Variants in SENP6 observed in about 807,000 individuals in gnomAD.
The protein encoded by SENP6 is SUMO specific peptidase 6, also known as sentrin-specific protease 6.
SENP6 carries 41 observed loss-of-function variants against 134.5 expected under a neutral mutation model. The observed-to-expected ratio is 0.30, with a 90% CI of 0.24 to 0.40. The LOEUF (loss-of-function observed/expected upper bound fraction) is 0.40, where lower values mean the gene tolerates loss of function less well. Ranked by LOEUF, SENP6 falls within the 10% of genes least tolerant of loss-of-function variation. The pLI, the probability that SENP6 is intolerant of heterozygous loss-of-function variation, is 1.00. For missense variants in SENP6, 1,248 were observed against 1,312.5 expected (o/e 0.95, Z 0.76); for synonymous variants, 395 against 429.8 (o/e 0.92, Z 1.00).
At chr6:75,669,837 C>CT in intron 10 of SENP6, among the ~76,000 whole-genome samples, 1 of 152,158 alleles carries the variant, frequency 6.6e-6, no homozygotes, top group Non-Finnish European at 1.5e-5. Context: ...TGCTAAACTG[C>CT]TTTTTATGCA....
At position 75,602,477 on chromosome 6, in the gene SENP6, G is replaced by T. The variant is rs187274485; in HGVS notation, c.-48G>T. On this transcript the variant is annotated 5_prime_UTR_variant, in exon 1 of 24. Transcript: ENST00000447266. Reference sequence around the variant, plus strand: ...GGCCCCTCATCCCGGCGAGCACGGCGGCGGTGTGGGCCATGGATTAAGAAG... The same window carrying T: ...GGCCCCTCATCCCGGCGAGCACGGCTGCGGTGTGGGCCATGGATTAAGAAG... 74 of 1,548,388 alleles carry T rather than the reference G, an allele frequency of 4.8e-5. No individual in the cohort carries two copies. The Middle Eastern group carries it at 1.6e-3, about 34-fold the overall frequency.
At chr6:75,690,573 T>A (rs149598584) in intron 16 of SENP6, among the ~76,000 whole-genome samples, 34 of 152,304 alleles carry the variant, frequency 2.2e-4, no homozygotes, top group African/African-American at 7.9e-4. Flanking sequence ...TATGTTCAGT[T>A]TTGCAAAACA....
Position 75,678,857 on chromosome 6 carries a change from A to G in SENP6, c.2005A>G (p.Thr669Ala). 6.2e-7 allele frequency: 1 copy of G among 1,608,676 alleles called. No homozygotes were observed. Among genetic ancestry groups the G allele is most frequent in the Non-Finnish European group, 8.5e-7 (1 of 1,176,070 alleles). The change falls in exon 16 of 24, where the codon ACC becomes GCC. Residue 669 changes from threonine (T) to alanine (A), a missense_variant. Thr to Ala is a moderately conservative substitution (Grantham distance 58). Around this residue, in one of 3 missense-constraint regions of SENP6, gnomAD observed 129 missense variants for 192.0 expected, o/e 0.67. Transcript: ENST00000447266. ...PPPAKGGISV[T>A]NEDLHCLNEG... ...TCCAGCTAAGGGAGGCATCTCTGTT[A>G]CCAATGAGGACCTGCACTGTCTAAA...
chr6:75,658,510 G>C (rs1771515513), intron 7 of SENP6, among the ~76,000 whole-genome samples: 1 of 152,028 alleles, frequency 6.6e-6, no homozygotes. Context: ...ATCCTTTGCT[G>C]ATAAAGTCAG....
At chr6:75,658,986 AAAAAAAAAAAAAAAG>A (rs1771559464) in intron 7 of SENP6, among the ~76,000 whole-genome samples, 1 of 149,726 alleles carries the variant, frequency 6.7e-6, no homozygotes, top group Non-Finnish European at 1.5e-5. Context: ...AAAAAAAAAA[AAAAAAAAAAAAAAAG>A]GGGAATTGTG....
At chr6:75,610,503 A>G (rs1434224608) in intron 1 of SENP6, among the ~76,000 whole-genome samples, 1 of 152,208 alleles carries the variant, frequency 6.6e-6, no homozygotes, top group Admixed American at 6.5e-5. Flanking sequence ...AATCTGTGCC[A>G]TATCCATTTG....
intron 1 of SENP6, among the ~76,000 whole-genome samples, chr6:75,612,521 G>C (rs1171593195): frequency 6.6e-6 from 1 of 152,046 alleles, no homozygotes; most frequent in East Asian, 1.9e-4. Context: ...TGTAGAGACA[G>C]AGTGTCACTA....
At chr6:75,639,903 A>G (rs1386276999) in intron 5 of SENP6, among the ~76,000 whole-genome samples, 1 of 152,206 alleles carries the variant, frequency 6.6e-6, no homozygotes, top group Non-Finnish European at 1.5e-5. Flanking sequence ...AAAATTTTAT[A>G]ACTTCTAGGA....
intron 7 of SENP6, among the ~76,000 whole-genome samples, chr6:75,652,259 C>T (rs1770923932): frequency 6.6e-6 from 1 of 151,906 alleles, no homozygotes; most frequent in African/African-American, 2.4e-5. Context: ...GATCCGCCTG[C>T]CTCAGCCTCC....
chr6:75,662,614 T>C (rs1771872785), intron 8 of SENP6, among the ~76,000 whole-genome samples: 1 of 152,188 alleles, frequency 6.6e-6, no homozygotes, highest in Admixed American at 6.5e-5. Flanking sequence ...TTATTCAGCA[T>C]AGTGTATCTG....
chr6:75,663,743 T>C (rs1308786481), intron 9 of SENP6, among the ~76,000 whole-genome samples: 2 of 150,184 alleles, frequency 1.3e-5, no homozygotes, highest in African/African-American at 4.9e-5. Flanking sequence ...ACCAGCATTC[T>C]GACTTCGGCC....
intron 19 of SENP6, among the ~76,000 whole-genome samples, chr6:75,707,877 C>T (rs942862864): frequency 2.0e-5 from 3 of 151,958 alleles, no homozygotes; most frequent in African/African-American, 7.3e-5. Flanking sequence ...TTTGTAGAGA[C>T]AGGGTCTCAC....
chr6:75,649,868 A>G (rs1018323665), intron 7 of SENP6, among the ~76,000 whole-genome samples: 2 of 152,226 alleles, frequency 1.3e-5, no homozygotes, highest in African/African-American at 4.8e-5. Flanking sequence ...TGCAAATTTA[A>G]TACAGAGACA....
chr6:75,616,669 C>T (rs1368745184), intron 1 of SENP6, among the ~76,000 whole-genome samples: 1 of 151,222 alleles, frequency 6.6e-6, no homozygotes, highest in African/African-American at 2.4e-5. Context: ...TCACTTGAAC[C>T]CGGGAGGCGG....
At chr6:75,658,054 G>A (rs1771480506) in intron 7 of SENP6, among the ~76,000 whole-genome samples, 1 of 152,054 alleles carries the variant, frequency 6.6e-6, no homozygotes, top group South Asian at 2.1e-4. Context: ...AGCAAAATTG[G>A]GATAGAGGAC....
At chr6:75,695,971 T>A in intron 17 of SENP6, 48 bp downstream of exon 17, 1 of 1,495,274 alleles carries the variant, frequency 6.7e-7, no homozygotes, top group Non-Finnish European at 9.0e-7. Context: ...CACTCACATT[T>A]AACTAAGTGA....
chr6:75,661,514 G>A (rs920037963), intron 8 of SENP6, among the ~76,000 whole-genome samples: 12 of 152,334 alleles, frequency 7.9e-5, no homozygotes, highest in Admixed American at 2.6e-4. Flanking sequence ...AACGTGTGCC[G>A]TGGTGGTTGC....
At chr6:75,713,634 T>G in intron 22 of SENP6, 41 bp from the exon 23 acceptor site, 1 of 1,589,524 alleles carries the variant, frequency 6.3e-7, no homozygotes, top group African/African-American at 1.3e-5. Flanking sequence ...CTATGTATAT[T>G]TATATATGTG....
At chr6:75,630,839 A>G (rs1769055435) in intron 3 of SENP6, among the ~76,000 whole-genome samples, 1 of 134,980 alleles carries the variant, frequency 7.4e-6, no homozygotes, top group African/African-American at 2.5e-5. Context: ...TAGACATAAA[A>G]CCATCATTTA....
Sources: allele counts gnomAD v4.1 joint callset (sites outside exome capture counted in the v4.1 genomes callset), GRCh38; gene constraint gnomAD v4.1.1; regional missense constraint gnomAD v4.1.1; transcripts MANE v1.5; gene names NCBI Gene and HGNC (gene_info 2026-07-23, HGNC 2026-07-21).